The following VPS13B variants were observed in gnomAD, a reference collection of about 807,000 sequenced individuals.
VPS13B encodes the protein intermembrane lipid transfer protein VPS13B.
VPS13B carries 285 observed loss-of-function variants against 426.4 expected under a neutral mutation model. That is an observed-to-expected ratio of 0.67 (90% CI 0.61 to 0.74). The LOEUF (loss-of-function observed/expected upper bound fraction) is 0.74. Among genes scored for constraint, VPS13B ranks in the 30% least tolerant of loss-of-function variants. VPS13B has a pLI of 0.00. For missense variants in VPS13B, 4,537 were observed against 4,782.6 expected, an observed-to-expected ratio of 0.95 and a Z score of 1.51; for synonymous variants, 1,676 against 1,676.4, an observed-to-expected ratio of 1.00 and a Z score of 0.01.
intron 39 of VPS13B, among the ~76,000 whole-genome samples, chr8:99,756,605 A>G (rs1037725691): frequency 6.6e-6 from 1 of 152,200 alleles, no homozygotes; most frequent in East Asian, 1.9e-4. Flanking sequence ...AACTCATCAC[A>G]TATAAGGGAT....
At chr8:99,500,644 A>G (rs1333408060) in intron 25 of VPS13B, among the ~76,000 whole-genome samples, 1 of 152,170 alleles carries the variant, frequency 6.6e-6, no homozygotes, top group Non-Finnish European at 1.5e-5. Flanking sequence ...GTAAATATAT[A>G]TACATCTTTT....
In VPS13B at chr8:99,384,402, C is replaced by G. The variant is rs1343036375; in HGVS notation, c.2934+85C>G. ...AATTATATATGTCTTTTGATGGATT[C>G]TTTTTTAACAAATGTACTAGATTTC... On this transcript the variant is annotated intron_variant, in intron 20 of 61. Coordinates refer to ENST00000357162, the MANE Select transcript of VPS13B (RefSeq NM_152564.5). 7 of 1,100,796 alleles carry G rather than the reference C, an allele frequency of 6.4e-6. No individual in the cohort carries two copies. The Admixed American group carries it at 9.2e-5, about 14-fold the overall frequency. 68.2% of individuals were successfully genotyped at this position (1,100,796 alleles called of 1,614,324 possible).
intron 36 of VPS13B, 40 bp from the exon 37 acceptor site, chr8:99,717,131 A>T (rs199660971): frequency 3.9e-6 from 6 of 1,545,744 alleles, no homozygotes; most frequent in Non-Finnish European, 5.4e-6. Flanking sequence ...ATTTTTTTTG[A>T]TAAGGATGAA....
intron 54 of VPS13B, among the ~76,000 whole-genome samples, chr8:99,844,436 C>T (rs545592044): frequency 3.3e-5 from 5 of 149,866 alleles, no homozygotes; most frequent in East Asian, 2.0e-4. Flanking sequence ...GGCCCGGTCT[C>T]GGCTCACTGC....
rs1817702695 is a variant in VPS13B, at chr8:99,876,368, T to C, written c.*702T>C. 1 of 90,936 alleles carries C rather than the reference T, an allele frequency of 1.1e-5. No individual in the cohort carries two copies. The highest frequency in any genetic ancestry group is 2.2e-5 in the Non-Finnish European group (1 of 46,144). 5.6% of individuals were successfully genotyped at this position (90,936 alleles called of 1,614,324 possible). ...TTTACTAAAATTTACAACAGTCTGA[T>C]GATTGATTGATTACTGTCCAGGTAC... On this transcript the variant is annotated 3_prime_UTR_variant, in exon 62 of 62. Transcript: ENST00000357162.
chr8:99,870,853 G>A lies in VPS13B; in HGVS notation c.11461G>A (p.Asp3821Asn). ...CCATCAGCCAAGTGATCTACATGCT[G>A]ACCAGGCTCCAAACAGCCATGTCAA... Reference protein sequence around the residue: ...QRHQPSDLHADQAPNSHVKYV... With the variant: ...QRHQPSDLHANQAPNSHVKYV... Residue 3821 changes from aspartate to asparagine, a missense_variant, in exon 60 of 62, where the codon GAC (aspartate) becomes AAC (asparagine). Physicochemically the swap from Asp to Asn is conservative, Grantham distance 23. This residue lies in a region of VPS13B where 4,311 missense variants were observed against 4,474.3 expected (regional missense o/e 0.96). Transcript: ENST00000357162. 5.6e-6 allele frequency: 9 copies of A among 1,614,182 alleles called. No individual in the cohort carries two copies. Among genetic ancestry groups the A allele is most frequent in the Non-Finnish European group, 7.6e-6 (9 of 1,180,028 alleles).
chr8:99,602,280 T>G (rs567643735), intron 33 of VPS13B, among the ~76,000 whole-genome samples: 4 of 152,322 alleles, frequency 2.6e-5, no homozygotes, highest in Non-Finnish European at 5.9e-5. Context: ...CTTGTTTTTG[T>G]CAGGTTTGTC....
At chr8:99,553,911 C>T (rs1049834817) in intron 30 of VPS13B, among the ~76,000 whole-genome samples, 8 of 151,726 alleles carry the variant, frequency 5.3e-5, no homozygotes, top group African/African-American at 1.9e-4. Flanking sequence ...TTGAAAATTA[C>T]CATTTTTGGA....
intron 3 of VPS13B, among the ~76,000 whole-genome samples, chr8:99,091,351 T>A (rs1168927487): frequency 1.3e-5 from 2 of 152,182 alleles, no homozygotes; most frequent in African/African-American, 4.8e-5. Context: ...GTTAGTTATA[T>A]CTTCCTTTGA....
chr8:99,637,102 A>G (rs1829102347), intron 33 of VPS13B, among the ~76,000 whole-genome samples: 1 of 152,048 alleles, frequency 6.6e-6, no homozygotes, highest in African/African-American at 2.4e-5. Flanking sequence ...GTCCCCTTGG[A>G]CAATAATAAA....
At chr8:99,061,805 A>G (rs1280951604) in intron 3 of VPS13B, among the ~76,000 whole-genome samples, 1 of 152,164 alleles carries the variant, frequency 6.6e-6, no homozygotes, top group East Asian at 1.9e-4. Flanking sequence ...GATTTGTGCT[A>G]ATGTTGTCAT....
chr8:99,442,320 G>A, intron 22 of VPS13B, 81 bp from the exon 23 acceptor site: 1 of 1,220,618 alleles, frequency 8.2e-7, no homozygotes, highest in Non-Finnish European at 1.2e-6. Context: ...TTTTTTGGTT[G>A]TTTATTCTGG....
Position 99,076,454 on chromosome 8 carries a change from A to G in VPS13B, c.292-19858A>G, listed in dbSNP as rs544925621. 1.4e-4 allele frequency among the ~76,000 whole-genome samples: 21 copies of G among 152,242 alleles called. No individual in the cohort carries two copies. In the East Asian group the frequency reaches 4.1e-3, roughly 29 times the overall value. On this transcript the variant is annotated intron_variant, in intron 3 of 61. Coordinates refer to ENST00000357162, the MANE Select transcript of VPS13B (RefSeq NM_152564.5). ...ATATGTCCCATGCTGAGAGTGGGGTATTCAAATGCCCCACTATTATTGTAT... is the reference window on the plus strand; with the variant it reads ...ATATGTCCCATGCTGAGAGTGGGGTGTTCAAATGCCCCACTATTATTGTAT...
At chr8:99,414,554 T>C (rs1260456976) in intron 21 of VPS13B, among the ~76,000 whole-genome samples, 1 of 152,236 alleles carries the variant, frequency 6.6e-6, no homozygotes, top group Non-Finnish European at 1.5e-5. Flanking sequence ...CAGTGGCTGG[T>C]ACTGGTTTTT....
At chr8:99,178,081 G>T (rs1812733178) in intron 16 of VPS13B, among the ~76,000 whole-genome samples, 1 of 151,078 alleles carries the variant, frequency 6.6e-6, no homozygotes. Context: ...TTTAGCCTAG[G>T]TTTTCTTTTT....
chr8:99,064,177 T>C (rs1844348219), intron 3 of VPS13B, among the ~76,000 whole-genome samples: 1 of 152,146 alleles, frequency 6.6e-6, no homozygotes, highest in East Asian at 1.9e-4. Context: ...CTGAAAATTC[T>C]AAAAACCAGA....
chr8:99,564,497 G>A (rs1288854536), intron 31 of VPS13B, among the ~76,000 whole-genome samples: 2 of 152,160 alleles, frequency 1.3e-5, no homozygotes, highest in African/African-American at 4.8e-5. Flanking sequence ...CTGGGGTAAG[G>A]CCGGGAGGCT....
chr8:99,147,356 C>T (rs1044641578), intron 13 of VPS13B, among the ~76,000 whole-genome samples: 6 of 152,262 alleles, frequency 3.9e-5, no homozygotes, highest in Admixed American at 3.3e-4. Context: ...AGATGATCTA[C>T]CTGCCTCAGC....
At chr8:99,419,590 C>A (rs936834546) in intron 21 of VPS13B, among the ~76,000 whole-genome samples, 3 of 151,710 alleles carry the variant, frequency 2.0e-5, no homozygotes, top group African/African-American at 7.3e-5. Context: ...GGCAGTTGCC[C>A]CCTAGTATAA....
Sources: allele counts gnomAD v4.1 joint callset (sites outside exome capture counted in the v4.1 genomes callset), GRCh38; gene constraint gnomAD v4.1.1; regional missense constraint gnomAD v4.1.1; transcripts MANE v1.5; gene names NCBI Gene and HGNC (gene_info 2026-07-23, HGNC 2026-07-21).